The following CBFB variants were observed in gnomAD, a reference collection of about 807,000 sequenced individuals.
CBFB encodes CBF-beta.
CBFB carries 9 observed loss-of-function variants against 30.4 expected under a neutral mutation model. The observed-to-expected ratio is 0.30, with a 90% CI of 0.18 to 0.52. The LOEUF is 0.52. CBFB is among the 20% of genes least tolerant of loss of function. The pLI is 0.97. For missense variants in CBFB, 170 were observed against 244.0 expected (o/e 0.70, Z 2.02); for synonymous variants, 94 against 84.0 (o/e 1.12, Z -0.65).
intron 3 of CBFB, among the ~76,000 whole-genome samples, chr16:67,045,480 A>G (rs1597129163): frequency 6.6e-6 from 1 of 152,176 alleles, no homozygotes; most frequent in Admixed American, 6.5e-5. Context: ...TTGTACCACA[A>G]CACTCCAGCC....
chr16:67,087,366 G>A (rs1373480691), intron 5 of CBFB, among the ~76,000 whole-genome samples: 12 of 151,722 alleles, frequency 7.9e-5, no homozygotes, highest in Non-Finnish European at 1.5e-4. Context: ...GACCAGCCTG[G>A]GCAACACAGC....
chr16:67,033,217 A>G (rs972930968), intron 2 of CBFB, among the ~76,000 whole-genome samples: 1 of 152,176 alleles, frequency 6.6e-6, no homozygotes, highest in African/African-American at 2.4e-5. Flanking sequence ...GGCTGTGTTG[A>G]TCATCTCTCT....
At chr16:67,040,891 G>A (rs1966516985) in intron 3 of CBFB, among the ~76,000 whole-genome samples, 1 of 152,140 alleles carries the variant, frequency 6.6e-6, no homozygotes, top group African/African-American at 2.4e-5. Flanking sequence ...GAGGAGAGAT[G>A]TTCCGGACAA....
chr16:67,067,091 AG>A, intron 4 of CBFB: 1 of 176,156 alleles, frequency 5.7e-6, no homozygotes. Flanking sequence ...CACTATGAAT[AG>A]GGAAAAAAGA....
chr16:67,030,702 C>A (rs367999847), intron 2 of CBFB, among the ~76,000 whole-genome samples: 4 of 152,082 alleles, frequency 2.6e-5, no homozygotes, highest in Admixed American at 1.3e-4. Flanking sequence ...TGGGTTCAAG[C>A]GATTTTCCTG....
intron 4 of CBFB, among the ~76,000 whole-genome samples, chr16:67,081,132 C>A (rs1203904559): frequency 8.7e-6 from 1 of 114,734 alleles, no homozygotes; most frequent in Non-Finnish European, 1.7e-5. Flanking sequence ...CCCCCCTCCC[C>A]CCACCCCACA....
intron 5 of CBFB, among the ~76,000 whole-genome samples, chr16:67,089,375 G>C (rs998915300): frequency 5.9e-5 from 9 of 152,090 alleles, no homozygotes; most frequent in African/African-American, 2.2e-4. Context: ...GGGAGAACCA[G>C]GTACCTGGGG....
chr16:67,094,245 A>C (rs13332075), intron 5 of CBFB, among the ~76,000 whole-genome samples: 3 of 150,810 alleles, frequency 2.0e-5, no homozygotes, highest in African/African-American at 7.3e-5. Flanking sequence ...AGTGTGAGCC[A>C]CCGTGTCCGG....
intron 3 of CBFB, among the ~76,000 whole-genome samples, chr16:67,046,752 C>CT (rs2145725517): frequency 6.6e-6 from 1 of 152,246 alleles, no homozygotes; most frequent in South Asian, 2.1e-4. Flanking sequence ...TTTGTAATTT[C>CT]TTTTTAACAG....
intron 3 of CBFB, among the ~76,000 whole-genome samples, chr16:67,057,440 A>G (rs1226946437): frequency 5.3e-5 from 8 of 151,980 alleles, no homozygotes; most frequent in Admixed American, 4.6e-4. Flanking sequence ...TACATCTTTG[A>G]TTAAGTTTTA....
chr16:67,051,540 C>T (rs547250511), intron 3 of CBFB, among the ~76,000 whole-genome samples: 1 of 151,500 alleles, frequency 6.6e-6, no homozygotes, highest in South Asian at 2.1e-4. Context: ...ATTATTTTTT[C>T]TGGGTTTGTT....
At chr16:67,068,916 G>A (rs2346362) in intron 4 of CBFB, among the ~76,000 whole-genome samples, 7,359 of 152,120 alleles carry the variant, frequency 0.048, 520 homozygotes, top group African/African-American at 0.15. Flanking sequence ...GAATCAAATA[G>A]AAATTCTGGA....
intron 5 of CBFB, among the ~76,000 whole-genome samples, chr16:67,092,698 CTTTTTTTTTTTTTTTTTTTTT>C (rs777213321): frequency 1.2e-4 from 4 of 33,492 alleles, no homozygotes; most frequent in Admixed American, 6.1e-4. Context: ...GTGGTGCAAT[CTTTTTTTTTTTTTTTTTTTTT>C]TTTTTTTTTT....
chr16:67,077,012 A>G (rs755591478), intron 4 of CBFB, among the ~76,000 whole-genome samples: 2 of 152,160 alleles, frequency 1.3e-5, no homozygotes, highest in African/African-American at 2.4e-5. Flanking sequence ...CTTCTAAAGG[A>G]TAGAATGTTT....
intron 3 of CBFB, among the ~76,000 whole-genome samples, chr16:67,038,180 T>A (rs938181738): frequency 2.0e-5 from 3 of 152,096 alleles, no homozygotes; most frequent in Non-Finnish European, 4.4e-5. Context: ...CTTACTAAAT[T>A]AATTTTCTAA....
rs1238860440 is a variant in CBFB at position 67,031,149 on chromosome 16, T to A, written c.165+1336T>A. ...TCAAATTTATTTTTAAAGAATATTT[T>A]GATATTTTAAGTGAAAGCTTTTTAG... On this transcript the variant is annotated intron_variant, in intron 2 of 5. Transcript: ENST00000412916. 3.3e-5 allele frequency among the ~76,000 whole-genome samples: 5 copies of A among 152,360 alleles called. No individual in the cohort carries two copies. In the South Asian group the frequency reaches 8.3e-4, roughly 25 times the overall value.
chr16:67,033,181 T>C (rs1273401811), intron 2 of CBFB, among the ~76,000 whole-genome samples: 1 of 152,232 alleles, frequency 6.6e-6, no homozygotes, highest in Non-Finnish European at 1.5e-5. Context: ...AGCCTCATTT[T>C]GCATTTAGAT....
intron 3 of CBFB, among the ~76,000 whole-genome samples, chr16:67,065,948 C>G (rs1051154123): frequency 2.0e-5 from 3 of 151,908 alleles, no homozygotes; most frequent in Non-Finnish European, 4.4e-5. Flanking sequence ...GTGTTTTGTT[C>G]CGAATTATTT....
At chr16:67,062,643 T>A (rs949844573) in intron 3 of CBFB, among the ~76,000 whole-genome samples, 1 of 151,400 alleles carries the variant, frequency 6.6e-6, no homozygotes, top group Admixed American at 6.6e-5. Flanking sequence ...AATAGAAAAG[T>A]TAGCAGGATG....
Sources: gnomAD v4.1 joint callset for allele counts (sites outside exome capture counted in the v4.1 genomes callset) on GRCh38, gnomAD v4.1.1 for gene constraint, MANE v1.5 for transcripts, NCBI Gene and HGNC (gene_info 2026-07-23, HGNC 2026-07-21) for gene names.